The following ERC2 variants were observed in gnomAD, a reference collection of about 807,000 sequenced individuals.
ERC2 encodes the protein ERC protein 2.
In ERC2, 42 loss-of-function variants were observed where a neutral mutation model predicts 114.8. That is an observed-to-expected ratio of 0.37 (90% CI 0.29 to 0.47). The LOEUF (loss-of-function observed/expected upper bound fraction) is 0.47, where lower values mean the gene tolerates loss of function less well. ERC2 is among the 20% of genes least tolerant of loss of function. The pLI, the probability that ERC2 is intolerant of heterozygous loss-of-function variation, is 0.99. For missense variants in ERC2, 939 were observed against 1,150.7 expected, an observed-to-expected ratio of 0.82 and a Z score of 2.66; for synonymous variants, 454 against 425.5, an observed-to-expected ratio of 1.07 and a Z score of -0.82.
intron 3 of ERC2, among the ~76,000 whole-genome samples, chr3:56,191,274 G>C (rs2047759380): frequency 6.6e-6 from 1 of 152,172 alleles, no homozygotes; most frequent in Admixed American, 6.5e-5. Context: ...CCAGGCCTCA[G>C]TGTTGGAGCA....
intron 6 of ERC2, among the ~76,000 whole-genome samples, chr3:56,101,811 G>T (rs1479660861): frequency 1.3e-5 from 2 of 152,154 alleles, no homozygotes; most frequent in East Asian, 3.9e-4. Context: ...AGAGGAAATT[G>T]GGTCACTCAG....
At chr3:55,878,561 C>T (rs184955781) in intron 14 of ERC2, among the ~76,000 whole-genome samples, 40 of 152,324 alleles carry the variant, frequency 2.6e-4, no homozygotes, top group Middle Eastern at 3.4e-3. Flanking sequence ...AGACTGCACT[C>T]AATGGCTAAG....
At chr3:56,339,669 C>T (rs1287751420) in intron 2 of ERC2, among the ~76,000 whole-genome samples, 1 of 152,076 alleles carries the variant, frequency 6.6e-6, no homozygotes, top group African/African-American at 2.4e-5. Context: ...CTCTCTCTCC[C>T]TCTCCCTCTT....
chr3:56,276,845 T>C (rs992923806), intron 3 of ERC2, among the ~76,000 whole-genome samples: 1 of 151,984 alleles, frequency 6.6e-6, no homozygotes, highest in Non-Finnish European at 1.5e-5. Context: ...AACACACACA[T>C]ACACACACAC....
intron 7 of ERC2, among the ~76,000 whole-genome samples, chr3:56,037,214 C>T (rs990744642): frequency 6.6e-6 from 1 of 152,178 alleles, no homozygotes; most frequent in Non-Finnish European, 1.5e-5. Context: ...GATGAACTGA[C>T]AGAAGTAGGC....
chr3:55,736,978 C>T (rs879067052), intron 14 of ERC2, among the ~76,000 whole-genome samples: 2 of 152,104 alleles, frequency 1.3e-5, no homozygotes, highest in Non-Finnish European at 2.9e-5. Flanking sequence ...TCTTCTGAAA[C>T]ATTCTAGACA....
At chr3:56,218,873 G>C (rs1311497576) in intron 3 of ERC2, among the ~76,000 whole-genome samples, 4 of 152,058 alleles carry the variant, frequency 2.6e-5, no homozygotes, top group Non-Finnish European at 5.9e-5. Flanking sequence ...ATCATTCTCA[G>C]CAAACTATCG....
At chr3:56,332,409 T>C (rs897404580) in intron 2 of ERC2, among the ~76,000 whole-genome samples, 2 of 152,132 alleles carry the variant, frequency 1.3e-5, no homozygotes, top group African/African-American at 4.8e-5. Flanking sequence ...TTTACTCCTA[T>C]CAGTTCTATG....
intron 2 of ERC2, among the ~76,000 whole-genome samples, chr3:56,325,700 A>G (rs2057331874): frequency 2.6e-5 from 4 of 152,202 alleles, no homozygotes; most frequent in Admixed American, 6.5e-5. Context: ...TTTGTAAAGT[A>G]CTTACCCTGC....
chr3:56,362,312 G>A (rs149293808), intron 2 of ERC2, among the ~76,000 whole-genome samples: 5 of 152,294 alleles, frequency 3.3e-5, no homozygotes, highest in African/African-American at 4.8e-5. Flanking sequence ...TAAGGAAAAC[G>A]GGCCAAAATA....
At chr3:56,381,902 G>A (rs1481542773) in intron 2 of ERC2, among the ~76,000 whole-genome samples, 1 of 152,022 alleles carries the variant, frequency 6.6e-6, no homozygotes, top group East Asian at 1.9e-4. Flanking sequence ...GGGTCCTCAA[G>A]AACAAAGATC....
intron 3 of ERC2, among the ~76,000 whole-genome samples, chr3:56,273,800 G>T (rs982381987): frequency 1.5e-4 from 23 of 152,168 alleles, no homozygotes; most frequent in African/African-American, 5.6e-4. Context: ...GAACACTGTT[G>T]CAATGTACTG....
chr3:56,420,859 C>T (rs9826041), intron 2 of ERC2, among the ~76,000 whole-genome samples: 6,917 of 150,076 alleles, frequency 0.046, 404 homozygotes, highest in African/African-American at 0.13. Context: ...ATCGCCCCAC[C>T]GCACTCCAGC....
intron 2 of ERC2, among the ~76,000 whole-genome samples, chr3:56,390,680 A>G (rs114304132): frequency 1.3e-3 from 199 of 152,316 alleles, no homozygotes; most frequent in African/African-American, 4.6e-3. Flanking sequence ...CAGTAGCAAG[A>G]AGATTCTTAA....
At chr3:55,548,096 T>A (rs750471455) in intron 17 of ERC2, among the ~76,000 whole-genome samples, 50 of 151,958 alleles carry the variant, frequency 3.3e-4, no homozygotes, top group Non-Finnish European at 6.8e-4. Flanking sequence ...CAGCAGGAGG[T>A]CTCCTCCAAA....
At chr3:55,885,743 T>C (rs969107362) in intron 14 of ERC2, among the ~76,000 whole-genome samples, 18 of 152,230 alleles carry the variant, frequency 1.2e-4, no homozygotes, top group African/African-American at 4.3e-4. Flanking sequence ...CATATTTTCA[T>C]TGGCTGATAG....
intron 6 of ERC2, among the ~76,000 whole-genome samples, chr3:56,119,114 T>G (rs2079429097): frequency 6.6e-6 from 1 of 152,192 alleles, no homozygotes; most frequent in African/African-American, 2.4e-5. Context: ...CCAATAAAAC[T>G]TTATTTACAA....
chr3:56,308,355 A>C (rs2056351841), intron 2 of ERC2, among the ~76,000 whole-genome samples: 1 of 152,224 alleles, frequency 6.6e-6, no homozygotes, highest in African/African-American at 2.4e-5. Flanking sequence ...GTTACAATGA[A>C]AATACAAGAA....
In ERC2 at chr3:55,534,622, G is replaced by A. The variant is rs373557787; in HGVS notation, c.*40-23346C>T. 1.1e-4 allele frequency among the ~76,000 whole-genome samples: 17 copies of A among 152,214 alleles called. No individual in the cohort carries two copies. In the East Asian group the frequency reaches 2.9e-3, roughly 26 times the overall value. Reference sequence around the variant, plus strand: ...GAGGTGGGAGGATCAATCGAGCCTGGGAAGTCGAGGCTGCAGTGAGCTGAG... The same window carrying A: ...GAGGTGGGAGGATCAATCGAGCCTGAGAAGTCGAGGCTGCAGTGAGCTGAG... On this transcript the variant is annotated intron_variant, in intron 17 of 17. Coordinates refer to ENST00000288221, the MANE Select transcript of ERC2 (RefSeq NM_015576.3).
Sources: allele counts gnomAD v4.1 joint callset (sites outside exome capture counted in the v4.1 genomes callset), GRCh38; gene constraint gnomAD v4.1.1; transcripts MANE v1.5; gene names NCBI Gene and HGNC (gene_info 2026-07-23, HGNC 2026-07-21).